MYO5B: variants seen among roughly 807,000 people sequenced by gnomAD.
MYO5B encodes myosin VB.
MYO5B carries 143 observed loss-of-function variants against 229.3 expected under a neutral mutation model. The observed-to-expected ratio is 0.62, with a 90% CI of 0.54 to 0.72. The LOEUF (loss-of-function observed/expected upper bound fraction) is 0.72. MYO5B is among the 30% of genes least tolerant of loss of function. MYO5B has a pLI of 0.00. For synonymous variants in MYO5B, 918 were observed against 885.2 expected (o/e 1.04, Z -0.66); for missense variants, 2,321 against 2,331.0 (o/e 1.00, Z 0.09).
intron 26 of MYO5B, among the ~76,000 whole-genome samples, chr18:49,873,845 G>A (rs2024485790): frequency 2.0e-5 from 3 of 152,170 alleles, no homozygotes; most frequent in Non-Finnish European, 2.9e-5. Context: ...TGCACTGACT[G>A]TAGACTGTCA....
At chr18:50,157,092 T>G (rs1275488224) in intron 1 of MYO5B, among the ~76,000 whole-genome samples, 1 of 65,730 alleles carries the variant, frequency 1.5e-5, no homozygotes, top group Non-Finnish European at 3.9e-5. Flanking sequence ...TTTGTTTTGT[T>G]TTTTTTTTTT....
intron 1 of MYO5B, among the ~76,000 whole-genome samples, chr18:50,188,579 G>T (rs1163452193): frequency 6.6e-6 from 1 of 152,058 alleles, no homozygotes; most frequent in Admixed American, 6.5e-5. Context: ...ATGAGGTCAA[G>T]AGATTGAGAC....
intron 10 of MYO5B, among the ~76,000 whole-genome samples, chr18:49,967,222 C>A (rs1217533974): frequency 3.9e-5 from 6 of 152,150 alleles, no homozygotes; most frequent in African/African-American, 1.4e-4. Flanking sequence ...ATACAATTTC[C>A]TTCTCATTCT....
chr18:50,027,328 G>A lies in MYO5B; in HGVS notation c.455+9522C>T, dbSNP rs188064986. 7.2e-5 allele frequency among the ~76,000 whole-genome samples: 11 copies of A among 152,262 alleles called. No individual in the cohort carries two copies. In the East Asian group the frequency reaches 1.9e-3, roughly 27 times the overall value. On this transcript the variant is annotated intron_variant, in intron 4 of 39. Transcript: ENST00000285039. The stretch of plus-strand genomic sequence containing the variant: ...TGTGTAACTAGAACGGCGTGTAGGA[G>A]CCACAGAAGCCCACACCCAGGAGGG...
At chr18:49,863,509 GAAC>G (rs1460568053) in intron 28 of MYO5B, among the ~76,000 whole-genome samples, 182 bp from the exon 29 acceptor site, 1 of 152,238 alleles carries the variant, frequency 6.6e-6, no homozygotes, top group Non-Finnish European at 1.5e-5. Flanking sequence ...AAGAGACACA[GAAC>G]AACGAGGCCA....
intron 12 of MYO5B, among the ~76,000 whole-genome samples, chr18:49,958,690 C>G (rs1351712745): frequency 7.9e-5 from 12 of 152,214 alleles, no homozygotes; most frequent in Admixed American, 6.5e-4. Context: ...AACTCGCTGT[C>G]TCCACTGCCT....
chr18:49,906,400 C>T lies in MYO5B; in HGVS notation c.2414+19G>A, dbSNP rs776165873. On this transcript the variant is annotated intron_variant, in intron 19 of 39. Transcript: ENST00000285039. ...CCCCACCATGATCTGCTGCCCTGAG[C>T]TGCCACAGTCTGGCTCACCTGCGGG... 30 of 1,612,464 alleles carry T rather than the reference C, an allele frequency of 1.9e-5. No individual in the cohort carries two copies. Among genetic ancestry groups the T allele is most frequent in the Non-Finnish European group, 2.1e-5 (25 of 1,178,756 alleles).
At chr18:50,115,066 T>C (rs2031934325) in intron 1 of MYO5B, among the ~76,000 whole-genome samples, 1 of 152,252 alleles carries the variant, frequency 6.6e-6, no homozygotes, top group Non-Finnish European at 1.5e-5. Flanking sequence ...CACTCAGTGC[T>C]GAATCTCAGT....
chr18:49,924,623 C>T (rs1211398559), intron 17 of MYO5B, among the ~76,000 whole-genome samples: 1 of 152,344 alleles, frequency 6.6e-6, no homozygotes, highest in African/African-American at 2.4e-5. Context: ...TAGGATCCTG[C>T]TTCACCCCTT....
intron 1 of MYO5B, among the ~76,000 whole-genome samples, chr18:50,180,631 G>A (rs1180802162): frequency 3.3e-5 from 5 of 151,982 alleles, no homozygotes; most frequent in South Asian, 2.1e-4. Context: ...TACAACCCTC[G>A]CAACCACCCG....
At chr18:49,985,475 C>G (rs2144301456) in intron 7 of MYO5B, among the ~76,000 whole-genome samples, 1 of 152,304 alleles carries the variant, frequency 6.6e-6, no homozygotes, top group Non-Finnish European at 1.5e-5. Flanking sequence ...GAAGAGGACA[C>G]AAATGCAACA....
intron 10 of MYO5B, among the ~76,000 whole-genome samples, chr18:49,963,400 T>TTTCA (rs1555647580): frequency 1.4e-5 from 2 of 147,498 alleles, no homozygotes; most frequent in South Asian, 4.5e-4. Context: ...ACTTATTTAA[T>TTTCA]TTAATTAATT....
intron 31 of MYO5B, 79 bp from the exon 32 acceptor site, chr18:49,849,739 G>A: frequency 9.0e-7 from 1 of 1,114,366 alleles, no homozygotes; most frequent in Non-Finnish European, 1.4e-6. Flanking sequence ...CTTGCAGTTG[G>A]AGGTGACCAG....
intron 1 of MYO5B, among the ~76,000 whole-genome samples, chr18:50,137,911 T>C (rs1193064125): frequency 1.3e-5 from 2 of 152,126 alleles, no homozygotes; most frequent in Non-Finnish European, 2.9e-5. Context: ...TTCTCACTTA[T>C]AAATGGGAAC....
At position 50,014,152 on chromosome 18, in the gene MYO5B, C is replaced by T. The variant is rs118095669; in HGVS notation, c.456-12741G>A. Among the ~76,000 whole-genome samples the T allele has an allele frequency of 2.4e-3, 360 of 151,914 alleles. 1 individual carries two copies. Among genetic ancestry groups the T allele is most frequent in the East Asian group, 7.9e-3 (41 of 5,174 alleles). Reference sequence around the variant, plus strand: ...GTGGGCAGTGTTAGGAAGAGAAACCCGGGGTCCAAAGGGCTCACAGTTAAG... The same window carrying T: ...GTGGGCAGTGTTAGGAAGAGAAACCTGGGGTCCAAAGGGCTCACAGTTAAG... On this transcript the variant is annotated intron_variant, in intron 4 of 39. Coordinates refer to ENST00000285039, the MANE Select transcript of MYO5B (RefSeq NM_001080467.3).
At chr18:49,995,973 G>T (rs1024571784) in intron 5 of MYO5B, among the ~76,000 whole-genome samples, 2 of 152,200 alleles carry the variant, frequency 1.3e-5, no homozygotes, top group Admixed American at 6.5e-5. Flanking sequence ...GTTAAACAAT[G>T]TCATACAGAT....
At chr18:50,070,018 C>CTTTTTTTTTTTTTTTTTTTTTTTT (rs765610800) in intron 1 of MYO5B, among the ~76,000 whole-genome samples, 1 of 110,070 alleles carries the variant, frequency 9.1e-6, no homozygotes, top group Admixed American at 9.7e-5. Flanking sequence ...GCAATTTAGT[C>CTTTTTTTTTTTTTTTTTTTTTTTT]TTTTTTTTTT....
At position 50,148,128 on chromosome 18, in the gene MYO5B, A is replaced by C. The variant is rs546725648; in HGVS notation, c.27+46639T>G. Among the ~76,000 whole-genome samples, 4 of 151,210 alleles carry C rather than the reference A, an allele frequency of 2.6e-5. No individual in the cohort carries two copies. In the East Asian group the frequency reaches 7.8e-4, roughly 29 times the overall value. On this transcript the variant is annotated intron_variant, in intron 1 of 39. Transcript: ENST00000285039. Reference sequence around the variant, plus strand: ...CGACACATACACTCTCCCAAGACTAAACCAGGAAGAAGTTGAATCTCTGAA... The same window carrying C: ...CGACACATACACTCTCCCAAGACTACACCAGGAAGAAGTTGAATCTCTGAA...
At chr18:49,968,878 G>A (rs751191759) in intron 10 of MYO5B, among the ~76,000 whole-genome samples, 1 of 152,186 alleles carries the variant, frequency 6.6e-6, no homozygotes, top group Non-Finnish European at 1.5e-5. Context: ...TAGTGTGGGA[G>A]TACTGGCATG....
Sources: gnomAD v4.1 joint callset for allele counts (sites outside exome capture counted in the v4.1 genomes callset) on GRCh38, gnomAD v4.1.1 for gene constraint, MANE v1.5 for transcripts, NCBI Gene and HGNC (gene_info 2026-07-23, HGNC 2026-07-21) for gene names.